Variants in TNKS observed in about 807,000 individuals in gnomAD.
TNKS encodes poly [ADP-ribose] polymerase tankyrase-1.
TNKS carries 72 observed loss-of-function variants against 135.8 expected under a neutral mutation model. The observed-to-expected ratio is 0.53, with a 90% CI of 0.44 to 0.64. The LOEUF (loss-of-function observed/expected upper bound fraction) is 0.64, where lower values mean the gene tolerates loss of function less well. Among genes scored for constraint, TNKS ranks in the 30% least tolerant of loss-of-function variants. TNKS has a pLI of 0.00. For missense variants in TNKS, 1,769 were observed against 1,674.0 expected, an observed-to-expected ratio of 1.06 and a Z score of -0.99; for synonymous variants, 849 against 649.3, an observed-to-expected ratio of 1.31 and a Z score of -4.68.
intron 5 of TNKS, 35 bp from the exon 6 acceptor site, chr8:9,704,627 GT>G: frequency 1.3e-6 from 2 of 1,544,802 alleles, no homozygotes; most frequent in East Asian, 2.3e-5. Flanking sequence ...TTGTTTGTTT[GT>G]TTTTACCTGA....
intron 3 of TNKS, among the ~76,000 whole-genome samples, chr8:9,617,984 G>GTTTTTTTTTTTTTTTTTT (rs33956228): frequency 1.1e-5 from 1 of 94,016 alleles, no homozygotes. Flanking sequence ...CTCTTTTTTG[G>GTTTTTTTTTTTTTTTTTT]TTTTTTTTTT....
intron 3 of TNKS, among the ~76,000 whole-genome samples, chr8:9,655,944 C>T (rs1415092026): frequency 6.6e-6 from 1 of 152,200 alleles, no homozygotes; most frequent in Middle Eastern, 3.4e-3. Flanking sequence ...CAAACTATTC[C>T]GAGCTAAAGG....
In TNKS at chr8:9,763,200, G is replaced by C; in HGVS notation, c.3328G>C (p.Asp1110His). 1 of 1,607,322 alleles carries C rather than the reference G, an allele frequency of 6.2e-7. No individual in the cohort carries two copies. Among genetic ancestry groups the C allele is most frequent in the Non-Finnish European group, 8.5e-7 (1 of 1,176,190 alleles). Residue 1110 changes from aspartate to histidine, a missense_variant, in exon 22 of 27, where the codon GAT becomes CAT. Physicochemically the swap from Asp to His is moderately conservative, Grantham distance 81 (BLOSUM62 -1). This residue lies in a region of TNKS where 722 missense variants were observed against 688.9 expected (regional missense o/e 1.05). Transcript: ENST00000310430. ...HCVNQGTILL[D>H]LAPEDKEYQS... ...TGTTAATCAGGGAACGATTTTGCTGGATCTTGCTCCAGAAGATAAAGAATA... is the reference window on the plus strand; with the variant it reads ...TGTTAATCAGGGAACGATTTTGCTGCATCTTGCTCCAGAAGATAAAGAATA...
At chr8:9,617,054 A>C (rs930012475) in intron 3 of TNKS, among the ~76,000 whole-genome samples, 1 of 152,060 alleles carries the variant, frequency 6.6e-6, no homozygotes, top group Non-Finnish European at 1.5e-5. Flanking sequence ...CTTCTCTCCA[A>C]CTCTCAACAC....
chr8:9,729,150 G>T (rs933641327), intron 13 of TNKS, among the ~76,000 whole-genome samples: 1 of 152,126 alleles, frequency 6.6e-6, no homozygotes, highest in African/African-American at 2.4e-5. Context: ...AGGGCAAAAC[G>T]GCCAAATGCT....
rs1798191663 is a variant in TNKS at position 9,582,167 on chromosome 8, A to G, written c.898+1784A>G. On this transcript the variant is annotated intron_variant, in intron 2 of 26. Transcript: ENST00000310430. ...AATTAGCTTGCAGAAACCTCTTAGG[A>G]GGTTTATTCTGAGGTTCACTGAAAC... Among the ~76,000 whole-genome samples the G allele has an allele frequency of 2.0e-5, 3 of 152,202 alleles. No homozygotes were observed. In the South Asian group the frequency reaches 6.2e-4, roughly 31 times the overall value.
intron 21 of TNKS, among the ~76,000 whole-genome samples, chr8:9,762,272 G>A (rs1807183992): frequency 6.6e-6 from 1 of 152,168 alleles, no homozygotes; most frequent in African/African-American, 2.4e-5. Flanking sequence ...AAGCAAGGAA[G>A]GAGAATCTAC....
At chr8:9,689,435 A>G (rs962620057) in intron 5 of TNKS, among the ~76,000 whole-genome samples, 1 of 152,212 alleles carries the variant, frequency 6.6e-6, no homozygotes, top group Non-Finnish European at 1.5e-5. Context: ...TGGATAACTA[A>G]ACTGGTAAAT....
chr8:9,620,059 C>T (rs1167340689), intron 3 of TNKS, among the ~76,000 whole-genome samples: 2 of 151,878 alleles, frequency 1.3e-5, no homozygotes, highest in Non-Finnish European at 2.9e-5. Flanking sequence ...AAGCGATTCT[C>T]CTGCCTCAGC....
chr8:9,615,507 T>C, intron 2 of TNKS, 75 bp from the exon 3 acceptor site: 6 of 1,262,958 alleles, frequency 4.8e-6, no homozygotes, highest in Non-Finnish European at 5.6e-6. Flanking sequence ...GCCTACACCA[T>C]GCCGAGACGA....
intron 2 of TNKS, among the ~76,000 whole-genome samples, chr8:9,590,636 G>T (rs1277341813): frequency 1.3e-5 from 2 of 152,138 alleles, no homozygotes; most frequent in African/African-American, 4.8e-5. Flanking sequence ...CAGAACCTCA[G>T]TGTGGTTTTA....
chr8:9,566,820 G>A (rs1563384544), intron 1 of TNKS, among the ~76,000 whole-genome samples: 1 of 151,510 alleles, frequency 6.6e-6, no homozygotes, highest in African/African-American at 2.4e-5. Flanking sequence ...TTGTTAGCCA[G>A]GATGGTCTCG....
intron 25 of TNKS, among the ~76,000 whole-genome samples, chr8:9,769,787 C>G (rs754923932): frequency 2.6e-5 from 4 of 151,686 alleles, no homozygotes; most frequent in Non-Finnish European, 5.9e-5. Flanking sequence ...ACCCGGCTAA[C>G]TTTTTGTATT....
chr8:9,717,619 G>A (rs35316422), intron 11 of TNKS, among the ~76,000 whole-genome samples: 3 of 151,878 alleles, frequency 2.0e-5, no homozygotes, highest in Admixed American at 2.0e-4. Flanking sequence ...CTCTTGTGAG[G>A]CATTCACTTA....
intron 22 of TNKS, 60 bp from the exon 23 acceptor site, chr8:9,764,656 A>T: frequency 1.5e-6 from 2 of 1,334,108 alleles, no homozygotes; most frequent in Non-Finnish European, 2.1e-6. Flanking sequence ...TTTTAGACTC[A>T]TCATTGTCTA....
At chr8:9,758,313 A>G (rs28450671) in intron 20 of TNKS, among the ~76,000 whole-genome samples, 1 of 152,090 alleles carries the variant, frequency 6.6e-6, no homozygotes, top group Non-Finnish European at 1.5e-5. Flanking sequence ...AAGTTGTCCC[A>G]TTCCCTTTTT....
intron 12 of TNKS, among the ~76,000 whole-genome samples, chr8:9,724,851 G>C (rs1340621862): frequency 6.6e-6 from 1 of 152,148 alleles, no homozygotes; most frequent in Non-Finnish European, 1.5e-5. Flanking sequence ...TTAGTAGACA[G>C]TCCGCATCAA....
chr8:9,766,270 A>G lies in TNKS; in HGVS notation c.3585A>G (p.Lys1195=), dbSNP rs1807441381. The G allele has an allele frequency of 6.2e-7, 1 of 1,611,554 alleles. No individual in the cohort carries two copies. The highest frequency in any genetic ancestry group is 1.3e-5 in the African/African-American group (1 of 74,816). The change falls in exon 25 of 27, where the codon AAA becomes AAG. Residue 1195 remains lysine (K), a synonymous_variant. Transcript: ENST00000310430. The stretch of plus-strand genomic sequence containing the variant: ...CTTTCATTAATGCCATTATTCATAA[A>G]GGGTTTGATGAGCGACATGCATACA... ...GSPFINAIIH[K]GFDERHAYIG...
intron 13 of TNKS, among the ~76,000 whole-genome samples, chr8:9,728,263 A>G (rs975273202): frequency 1.3e-5 from 2 of 152,194 alleles, no homozygotes; most frequent in Admixed American, 6.5e-5. Flanking sequence ...TTCTTCCCCA[A>G]GAGACTTTAG....
Sources: gnomAD v4.1 joint callset for allele counts (sites outside exome capture counted in the v4.1 genomes callset) on GRCh38, gnomAD v4.1.1 for gene constraint, gnomAD v4.1.1 regional missense constraint, MANE v1.5 for transcripts, NCBI Gene and HGNC (gene_info 2026-07-23, HGNC 2026-07-21) for gene names.